Variants in DNAAF5 observed in about 807,000 individuals in gnomAD.
DNAAF5 encodes the protein dynein axonemal assembly factor 5, also known as HEAT repeat containing 2.
DNAAF5 carries 64 observed loss-of-function variants against 75.8 expected under a neutral mutation model. That is an observed-to-expected ratio of 0.84 (90% CI 0.69 to 1.04). DNAAF5 has a LOEUF of 1.04. Ranked by LOEUF, DNAAF5 falls within the 50% of genes least tolerant of loss-of-function variation. The probability of loss-of-function intolerance (pLI) is 0.00; values close to 1 mark genes in which losing one functional copy is unlikely to be tolerated. For missense variants in DNAAF5, 1,269 were observed against 1,178.5 expected (o/e 1.08, Z -1.12); for synonymous variants, 657 against 557.2 (o/e 1.18, Z -2.52).
Position 767,690 on chromosome 7 carries a change from A to G in DNAAF5, c.1784-2781A>G, listed in dbSNP as rs892295122. ...GCTGCAAGCAGGAACTCGCACTGGG[A>G]GGGGAGACACGTGATCAGGGCGGAA... On this transcript the variant is annotated intron_variant, in intron 8 of 12. Transcript: ENST00000297440. 7.9e-5 allele frequency among the ~76,000 whole-genome samples: 12 copies of G among 151,968 alleles called. No homozygotes were observed. In the South Asian group the frequency reaches 2.3e-3, roughly 29 times the overall value.
At chr7:744,822 C>T (rs1174620290) in intron 4 of DNAAF5, among the ~76,000 whole-genome samples, 1 of 152,088 alleles carries the variant, frequency 6.6e-6, no homozygotes, top group African/African-American at 2.4e-5. Context: ...AGGGTGGTCT[C>T]GAACTCCAGA....
intron 8 of DNAAF5, among the ~76,000 whole-genome samples, chr7:765,053 C>A (rs192318419): frequency 6.6e-6 from 1 of 152,174 alleles, no homozygotes; most frequent in South Asian, 2.1e-4. Flanking sequence ...CCCAGGAGTT[C>A]GAAGCTTCAG....
intron 4 of DNAAF5, among the ~76,000 whole-genome samples, chr7:750,093 C>T (rs917516208): frequency 3.9e-5 from 6 of 152,170 alleles, no homozygotes; most frequent in African/African-American, 1.4e-4. Context: ...ATAAGGACCA[C>T]GTGGAGGAGG....
At chr7:774,672 C>T (rs1267654029) in intron 10 of DNAAF5, among the ~76,000 whole-genome samples, 1 of 152,196 alleles carries the variant, frequency 6.6e-6, no homozygotes, top group Non-Finnish European at 1.5e-5. Flanking sequence ...GGCGCCCGTG[C>T]AGCATCAGCG....
chr7:780,164 G>A lies in DNAAF5; in HGVS notation c.2431+20G>A, dbSNP rs1351220456. ...TTTTAGGTGAGACTCCGACGGCTTG[G>A]CCTTCGTTCCGATGCCTGCTTTCGG... On this transcript the variant is annotated intron_variant, in intron 12 of 12. Transcript: ENST00000297440. 2.5e-6 allele frequency: 4 copies of A among 1,608,700 alleles called. No individual in the cohort carries two copies. In the South Asian group the frequency reaches 4.4e-5, roughly 18 times the overall value.
chr7:728,113 C>T (rs1257261951), intron 1 of DNAAF5, among the ~76,000 whole-genome samples: 3 of 152,134 alleles, frequency 2.0e-5, no homozygotes, highest in African/African-American at 4.8e-5. Flanking sequence ...TTATAACGTT[C>T]CCCATCTTTT....
At chr7:730,206 G>A (rs1338905446) in intron 2 of DNAAF5, among the ~76,000 whole-genome samples, 2 of 152,174 alleles carry the variant, frequency 1.3e-5, no homozygotes, top group African/African-American at 2.4e-5. Context: ...ACTGGGAGAA[G>A]AGTGGAGTCG....
intron 12 of DNAAF5, among the ~76,000 whole-genome samples, chr7:781,404 T>C (rs1445755027): frequency 6.6e-6 from 1 of 152,232 alleles, no homozygotes; most frequent in Non-Finnish European, 1.5e-5. Flanking sequence ...CTCCACGTTT[T>C]CCTTCTCCCT....
intron 4 of DNAAF5, among the ~76,000 whole-genome samples, chr7:745,555 AC>A (rs1203251505): frequency 6.6e-6 from 1 of 152,014 alleles, no homozygotes; most frequent in East Asian, 1.9e-4. Context: ...ACGCGTACAC[AC>A]ATCCTCGCAC....
chr7:729,333 T>TC (rs1367706942), intron 1 of DNAAF5, among the ~76,000 whole-genome samples: 1 of 152,186 alleles, frequency 6.6e-6, no homozygotes, highest in African/African-American at 2.4e-5. Flanking sequence ...CCGTCAGGCC[T>TC]CCACCTTGGC....
chr7:742,832 A>G (rs1220334060), intron 4 of DNAAF5, among the ~76,000 whole-genome samples: 2 of 7,512 alleles, frequency 2.7e-4, no homozygotes, highest in African/African-American at 6.1e-4. Flanking sequence ...GCTCAAATCA[A>G]TCATGCCCAG....
intron 10 of DNAAF5, among the ~76,000 whole-genome samples, 200 bp downstream of exon 10, chr7:774,398 G>A (rs566537053): frequency 6.6e-6 from 1 of 152,216 alleles, no homozygotes; most frequent in Non-Finnish European, 1.5e-5. Context: ...GACAGCAGGC[G>A]GGAGAGCGGG....
intron 12 of DNAAF5, among the ~76,000 whole-genome samples, chr7:783,081 T>G (rs1259991734): frequency 1.3e-5 from 2 of 152,372 alleles, no homozygotes; most frequent in Admixed American, 1.3e-4. Context: ...AGAGCTTGAC[T>G]TGTATCCTCG....
chr7:739,363 G>A (rs566254926), intron 2 of DNAAF5, among the ~76,000 whole-genome samples: 8 of 152,312 alleles, frequency 5.3e-5, no homozygotes, highest in African/African-American at 1.9e-4. Flanking sequence ...ACCCTGGGCT[G>A]TCTCTGCTCG....
chr7:769,187 T>G (rs190507097), intron 8 of DNAAF5: 2 of 774,102 alleles, frequency 2.6e-6, no homozygotes, highest in African/African-American at 1.7e-5. Context: ...CATCGCGAGG[T>G]CCCCAGCAAC....
chr7:781,643 C>T (rs945407402), intron 12 of DNAAF5, among the ~76,000 whole-genome samples: 5 of 141,024 alleles, frequency 3.5e-5, no homozygotes, highest in African/African-American at 1.2e-4. Context: ...CGTGAGGGTT[C>T]CCTTGTCTCC....
Position 770,638 on chromosome 7 carries a change from C to T in DNAAF5, c.1931+20C>T. ...CCAGGGGTAGGTCCGGGCTCTGCCT[C>T]TGCACGGCCCCCAGCTGGGGCCTGG... On this transcript the variant is annotated intron_variant, in intron 9 of 12. Coordinates refer to ENST00000297440, the MANE Select transcript of DNAAF5 (RefSeq NM_017802.4). 4 of 1,608,680 alleles carry T rather than the reference C, an allele frequency of 2.5e-6. No homozygotes were observed. The Middle Eastern group carries it at 5.2e-4, about 210-fold the overall frequency.
rs1429198126 is a variant in DNAAF5, at chr7:764,808, C to T, written c.1783+834C>T. On this transcript the variant is annotated intron_variant, in intron 8 of 12. Coordinates refer to ENST00000297440, the MANE Select transcript of DNAAF5 (RefSeq NM_017802.4). The stretch of plus-strand genomic sequence containing the variant: ...AATACTGGCTGGGCGTGGTGGCTCA[C>T]GCCTGTAATCCCAGCACTTTGGGAG... Among the ~76,000 whole-genome samples the T allele has an allele frequency of 6.6e-5, 10 of 152,182 alleles. 1 individual carries two copies. The South Asian group carries it at 1.7e-3, about 25-fold the overall frequency.
Position 740,800 on chromosome 7 carries a change from C to T in DNAAF5, c.781-19C>T, listed in dbSNP as rs765065072. On this transcript the variant is annotated intron_variant, in intron 2 of 12. Transcript: ENST00000297440. Reference sequence around the variant, plus strand: ...CCCCTTTGCCTACACGAATCCTTATCCCTTCCTCTCATGCGCAGGTCCGGC... The same window carrying T: ...CCCCTTTGCCTACACGAATCCTTATTCCTTCCTCTCATGCGCAGGTCCGGC... 2 of 1,612,858 alleles carry T rather than the reference C, an allele frequency of 1.2e-6. No homozygotes were observed. The highest frequency in any genetic ancestry group is 1.3e-5 in the African/African-American group (1 of 75,062).
Sources: gnomAD v4.1 joint callset for allele counts (sites outside exome capture counted in the v4.1 genomes callset) on GRCh38, gnomAD v4.1.1 for gene constraint, MANE v1.5 for transcripts, NCBI Gene and HGNC (gene_info 2026-07-23, HGNC 2026-07-21) for gene names.